Variants in SOX5 observed in about 807,000 individuals in gnomAD.
SOX5 encodes the protein SRY-box transcription factor 5.
SOX5 carries 9 observed loss-of-function variants against 92.0 expected under a neutral mutation model. That is an observed-to-expected ratio of 0.10 (90% CI 0.06 to 0.17). SOX5 has a LOEUF of 0.17. Ranked by LOEUF, SOX5 falls within the 10% of genes least tolerant of loss-of-function variation. The pLI, the probability that SOX5 is intolerant of heterozygous loss-of-function variation, is 1.00. For synonymous variants in SOX5, 344 were observed against 336.3 expected, an observed-to-expected ratio of 1.02 and a Z score of -0.25; for missense variants, 642 against 944.5, an observed-to-expected ratio of 0.68 and a Z score of 4.20.
At chr12:24,531,177 C>T (rs1486886174) in intron 1 of SOX5, among the ~76,000 whole-genome samples, 1 of 151,938 alleles carries the variant, frequency 6.6e-6, no homozygotes, top group African/African-American at 2.4e-5. Context: ...ATATGTTTTG[C>T]TACTATGAAA....
At chr12:23,663,076 G>C (rs1341958215) in intron 7 of SOX5, among the ~76,000 whole-genome samples, 1 of 152,112 alleles carries the variant, frequency 6.6e-6, no homozygotes, top group East Asian at 1.9e-4. Flanking sequence ...AATGTGACTA[G>C]GGAGGACATC....
At chr12:24,318,667 A>G (rs759137063) in intron 2 of SOX5, among the ~76,000 whole-genome samples, 14 of 152,200 alleles carry the variant, frequency 9.2e-5, no homozygotes, top group Admixed American at 1.3e-4. Flanking sequence ...GTAAAATGAA[A>G]ATAATAATGG....
chr12:24,209,475 A>T (rs948219892), intron 4 of SOX5, among the ~76,000 whole-genome samples: 1 of 152,194 alleles, frequency 6.6e-6, no homozygotes, highest in African/African-American at 2.4e-5. Context: ...GCAGGTATGT[A>T]TGTATGTATT....
intron 4 of SOX5, among the ~76,000 whole-genome samples, chr12:23,957,145 A>T (rs73283609): frequency 6.6e-6 from 1 of 152,084 alleles, no homozygotes; most frequent in Non-Finnish European, 1.5e-5. Context: ...TTGACAGTTT[A>T]TTTTGGCCTT....
chr12:24,558,396 C>T (rs943120817), intron 1 of SOX5, among the ~76,000 whole-genome samples: 2 of 152,038 alleles, frequency 1.3e-5, no homozygotes, highest in African/African-American at 2.4e-5. Flanking sequence ...TCATAGTTAG[C>T]CTACCTTTGA....
intron 6 of SOX5, among the ~76,000 whole-genome samples, chr12:23,708,075 T>C (rs2091630819): frequency 6.6e-6 from 1 of 152,010 alleles, no homozygotes; most frequent in Admixed American, 6.6e-5. Flanking sequence ...ATGGCTTAAG[T>C]AAGTGTAATA....
At chr12:23,669,725 G>T (rs1174058092) in intron 6 of SOX5, among the ~76,000 whole-genome samples, 2 of 152,062 alleles carry the variant, frequency 1.3e-5, no homozygotes, top group Non-Finnish European at 2.9e-5. Flanking sequence ...CAAAGATAAT[G>T]TTTACTTGAT....
intron 4 of SOX5, among the ~76,000 whole-genome samples, chr12:24,207,879 T>C (rs1016597767): frequency 1.3e-5 from 2 of 152,166 alleles, no homozygotes; most frequent in Non-Finnish European, 2.9e-5. Context: ...GAATCTCCAA[T>C]GTGGAATACT....
chr12:24,523,402 T>G (rs2138518491), intron 1 of SOX5, among the ~76,000 whole-genome samples: 1 of 152,150 alleles, frequency 6.6e-6, no homozygotes, highest in Admixed American at 6.5e-5. Flanking sequence ...AAAATTCACA[T>G]GAACCCACAA....
chr12:24,430,429 T>C (rs950254569), intron 1 of SOX5, among the ~76,000 whole-genome samples: 19 of 151,882 alleles, frequency 1.3e-4, no homozygotes, highest in African/African-American at 4.6e-4. Context: ...TAAATGTATA[T>C]TTATGATATT....
chr12:24,431,340 G>A (rs1248427355), intron 1 of SOX5, among the ~76,000 whole-genome samples: 4 of 152,092 alleles, frequency 2.6e-5, no homozygotes, highest in Admixed American at 2.6e-4. Flanking sequence ...CTAGTAAATA[G>A]TCCACTGATG....
chr12:24,514,877 C>T (rs756078126), intron 1 of SOX5, among the ~76,000 whole-genome samples: 4 of 152,042 alleles, frequency 2.6e-5, no homozygotes, highest in Non-Finnish European at 4.4e-5. Context: ...GGGAACAACA[C>T]ACACTGGGGC....
intron 4 of SOX5, among the ~76,000 whole-genome samples, chr12:24,031,214 T>C (rs954481662): frequency 6.6e-6 from 1 of 151,224 alleles, no homozygotes; most frequent in Non-Finnish European, 1.5e-5. Flanking sequence ...TATATATATA[T>C]ACACAAAGGA....
intron 1 of SOX5, among the ~76,000 whole-genome samples, chr12:24,448,332 A>T (rs1243985261): frequency 1.3e-5 from 2 of 152,234 alleles, no homozygotes. Flanking sequence ...TCTAAATCTC[A>T]AATTGTAGCA....
intron 3 of SOX5, among the ~76,000 whole-genome samples, chr12:23,784,584 C>T (rs2095344955): frequency 6.6e-6 from 1 of 152,140 alleles, no homozygotes; most frequent in Admixed American, 6.5e-5. Flanking sequence ...CCTTGGCCTC[C>T]CAAAGTGCTG....
intron 1 of SOX5, among the ~76,000 whole-genome samples, chr12:24,388,441 G>A (rs1958646455): frequency 6.6e-6 from 1 of 152,096 alleles, no homozygotes; most frequent in Non-Finnish European, 1.5e-5. Flanking sequence ...TGCCTTGAAG[G>A]TGACTGTCAG....
chr12:24,062,108 T>C (rs1939842654), intron 4 of SOX5, among the ~76,000 whole-genome samples: 1 of 152,194 alleles, frequency 6.6e-6, no homozygotes, highest in South Asian at 2.1e-4. Flanking sequence ...GCTCATAGGC[T>C]TAAGAGGCAG....
At chr12:23,853,540 C>T (rs997147245) in intron 2 of SOX5, among the ~76,000 whole-genome samples, 5 of 138,096 alleles carry the variant, frequency 3.6e-5, no homozygotes, top group Non-Finnish European at 6.3e-5. Context: ...AAGTGTCTAA[C>T]GTGTTTTTTT....
chr12:23,844,094 T>G (rs1196770958), intron 3 of SOX5, among the ~76,000 whole-genome samples: 1 of 152,180 alleles, frequency 6.6e-6, no homozygotes, highest in Non-Finnish European at 1.5e-5. Context: ...TTAAACTTGC[T>G]CAGAACACTT....
Sources: gnomAD v4.1 joint callset for allele counts (sites outside exome capture counted in the v4.1 genomes callset) on GRCh38, gnomAD v4.1.1 for gene constraint, MANE v1.5 for transcripts, NCBI Gene and HGNC (gene_info 2026-07-23, HGNC 2026-07-21) for gene names.